The following ESRRB variants were observed in gnomAD, a reference collection of about 807,000 sequenced individuals.
ESRRB encodes estrogen related receptor beta.
In ESRRB, 16 loss-of-function variants were observed where a neutral mutation model predicts 46.0. The observed-to-expected ratio is 0.35, with a 90% confidence interval of 0.24 to 0.53. The LOEUF is 0.53. ESRRB is among the 20% of genes least tolerant of loss of function. The pLI is 0.93. For synonymous variants in ESRRB, 246 were observed against 259.6 expected (o/e 0.95, Z 0.50); for missense variants, 488 against 607.4 (o/e 0.80, Z 2.07).
intron 1 of ESRRB, among the ~76,000 whole-genome samples, chr14:76,387,947 T>C (rs78259075): frequency 0.012 from 1,760 of 152,312 alleles, 15 homozygotes; most frequent in Middle Eastern, 0.031. Flanking sequence ...GAATATTTCA[T>C]GTATGAAATC....
chr14:76,327,617 G>T (rs1883950908), intron 1 of ESRRB, among the ~76,000 whole-genome samples: 1 of 152,148 alleles, frequency 6.6e-6, no homozygotes, highest in African/African-American at 2.4e-5. Context: ...GGGCCCTGGG[G>T]AGTTAAATGA....
chr14:76,427,447 G>T (rs1887253669), intron 1 of ESRRB, among the ~76,000 whole-genome samples: 1 of 151,996 alleles, frequency 6.6e-6, no homozygotes, highest in Non-Finnish European at 1.5e-5. Context: ...AGAAGCTAGT[G>T]CTTGGCAGTC....
At chr14:76,434,279 C>T (rs551722282) in intron 1 of ESRRB, among the ~76,000 whole-genome samples, 11 of 152,330 alleles carry the variant, frequency 7.2e-5, no homozygotes, top group Middle Eastern at 3.4e-3. Flanking sequence ...GCATCAGGAA[C>T]CAGGCAGCCC....
upstream of ESRRB, among the ~76,000 whole-genome samples, chr14:76,367,839 C>A (rs1474411407): frequency 6.6e-6 from 1 of 152,138 alleles, no homozygotes; most frequent in Non-Finnish European, 1.5e-5. Context: ...CAACCCATCC[C>A]TCCTTGTCCC....
At chr14:76,381,060 C>G (rs551235448) in intron 1 of ESRRB, among the ~76,000 whole-genome samples, 4 of 152,304 alleles carry the variant, frequency 2.6e-5, no homozygotes, top group Admixed American at 1.3e-4. Context: ...CCTTAGACCT[C>G]TGGGGACAGT....
intron 1 of ESRRB, among the ~76,000 whole-genome samples, chr14:76,405,563 A>AG (rs370339195): frequency 3.3e-4 from 50 of 152,158 alleles, no homozygotes; most frequent in African/African-American, 1.2e-3. Context: ...GAATGCTTCC[A>AG]GGGGGCTTGT....
At chr14:76,481,993 C>G (rs1243135483) in intron 3 of ESRRB, 23 bp from the exon 4 acceptor site, 2 of 1,607,290 alleles carry the variant, frequency 1.2e-6, no homozygotes, top group Non-Finnish European at 1.7e-6. Context: ...CTGCTGAGAT[C>G]TTTTCCCTTT....
chr14:76,491,701 G>A lies in ESRRB; in HGVS notation c.1105G>A (p.Ala369Thr), dbSNP rs769598257. The part of the protein sequence containing the change: ...KEEFVTLKAL[A>T]LANSDSMYIE... ...GGAGTTTGTGACGCTCAAGGCCCTG[G>A]CCCTCGCCAACTCCGGTAAGGGCGG... The change falls in exon 6 of 7, where the codon GCC (alanine) becomes ACC (threonine). Residue 369 changes from alanine (A) to threonine (T), a missense_variant. Coordinates refer to ENST00000644823, the MANE Select transcript of ESRRB (RefSeq NM_001379180.1). The A allele has an allele frequency of 5.7e-6, 9 of 1,582,082 alleles. No homozygotes were observed. The highest frequency in any genetic ancestry group is 2.3e-5 in the East Asian group (1 of 43,948).
intron 1 of ESRRB, among the ~76,000 whole-genome samples, chr14:76,344,534 T>A (rs1884226733): frequency 6.6e-6 from 1 of 152,132 alleles, no homozygotes; most frequent in Non-Finnish European, 1.5e-5. Flanking sequence ...TGGTTTTCCA[T>A]TCCTGAGTTA....
chr14:76,426,367 T>C (rs2139900948), intron 1 of ESRRB, among the ~76,000 whole-genome samples: 1 of 152,366 alleles, frequency 6.6e-6, no homozygotes, highest in Non-Finnish European at 1.5e-5. Flanking sequence ...CCCAGTCATA[T>C]GGCCATAGCC....
intron 3 of ESRRB, among the ~76,000 whole-genome samples, chr14:76,467,896 C>T (rs1351970249): frequency 6.6e-6 from 1 of 152,168 alleles, no homozygotes; most frequent in Non-Finnish European, 1.5e-5. Flanking sequence ...ACGCGACCGG[C>T]CTCCCAAGCC....
At chr14:76,325,236 G>C (rs565020362) in intron 1 of ESRRB, among the ~76,000 whole-genome samples, 2 of 152,174 alleles carry the variant, frequency 1.3e-5, no homozygotes, top group South Asian at 4.1e-4. Context: ...GATTACAGGC[G>C]TGAGCCACTG....
intron 3 of ESRRB, among the ~76,000 whole-genome samples, chr14:76,470,417 G>A (rs1031956241): frequency 9.9e-5 from 15 of 152,192 alleles, no homozygotes; most frequent in African/African-American, 3.1e-4. Flanking sequence ...GCTCTGCCAA[G>A]CTTAGCATGT....
chr14:76,446,019 G>T (rs76762567), intron 2 of ESRRB, among the ~76,000 whole-genome samples: 264 of 152,328 alleles, frequency 1.7e-3, no homozygotes, highest in African/African-American at 6.2e-3. Flanking sequence ...CTATGTGCTT[G>T]GCTGGTAGTA....
At chr14:76,378,560 C>T (rs772692916) in intron 1 of ESRRB, among the ~76,000 whole-genome samples, 8 of 152,146 alleles carry the variant, frequency 5.3e-5, no homozygotes, top group African/African-American at 1.2e-4. Context: ...AATATACCTG[C>T]TGTCTCCACC....
intron 5 of ESRRB, among the ~76,000 whole-genome samples, chr14:76,483,369 G>A (rs1889883720): frequency 6.6e-6 from 1 of 152,214 alleles, no homozygotes; most frequent in Non-Finnish European, 1.5e-5. Flanking sequence ...GCATGTGCTG[G>A]CATCAGTTGC....
intron 3 of ESRRB, among the ~76,000 whole-genome samples, chr14:76,469,615 T>A (rs1175156174): frequency 1.3e-5 from 2 of 152,082 alleles, no homozygotes; most frequent in Non-Finnish European, 2.9e-5. Flanking sequence ...GCTCAAGCAA[T>A]CAACCCACCT....
intron 1 of ESRRB, among the ~76,000 whole-genome samples, chr14:76,330,448 A>G (rs1206394407): frequency 6.6e-6 from 1 of 152,226 alleles, no homozygotes; most frequent in East Asian, 1.9e-4. Flanking sequence ...CAAAGCAGGA[A>G]CTAACCACGA....
At chr14:76,476,963 G>A (rs954042524) in intron 3 of ESRRB, among the ~76,000 whole-genome samples, 3 of 152,286 alleles carry the variant, frequency 2.0e-5, no homozygotes, top group South Asian at 2.1e-4. Context: ...GTGGTGGCAC[G>A]CACCTGTGGT....
Sources: gnomAD v4.1 joint callset for allele counts (sites outside exome capture counted in the v4.1 genomes callset) on GRCh38, gnomAD v4.1.1 for gene constraint, MANE v1.5 for transcripts, NCBI Gene and HGNC (gene_info 2026-07-23, HGNC 2026-07-21) for gene names.